The following FOCAD variants were observed in gnomAD, a reference collection of about 807,000 sequenced individuals.
FOCAD encodes the protein KIAA1797.
Under a neutral mutation model 225.6 loss-of-function variants are expected in FOCAD, and 198 were observed. That is an observed-to-expected ratio of 0.88 (90% CI 0.78 to 0.99). The LOEUF is 0.99. Ranked by LOEUF, FOCAD falls within the 50% of genes least tolerant of loss-of-function variation. FOCAD has a pLI of 0.00. For synonymous variants in FOCAD, 897 were observed against 755.0 expected (o/e 1.19, Z -3.08); for missense variants, 2,713 against 2,123.6 (o/e 1.28, Z -5.46).
chr9:20,769,954 T>G (rs1818022365), intron 7 of FOCAD, 78 bp from the exon 8 acceptor site: 1 of 1,337,994 alleles, frequency 7.5e-7, no homozygotes, highest in Non-Finnish European at 1.0e-6. Flanking sequence ...ATTACATTGT[T>G]CAAAGCTTTT....
intron 2 of FOCAD, among the ~76,000 whole-genome samples, chr9:20,669,177 A>C (rs989211172): frequency 2.0e-5 from 3 of 152,036 alleles, no homozygotes; most frequent in Non-Finnish European, 4.4e-5. Flanking sequence ...AGGGTGAAAA[A>C]AATTTAAGGG....
intron 5 of FOCAD, among the ~76,000 whole-genome samples, chr9:20,745,589 A>G (rs879913350): frequency 8.5e-5 from 13 of 152,102 alleles, no homozygotes; most frequent in Non-Finnish European, 8.8e-5. Context: ...TTTTCTCTGC[A>G]TATTCATATT....
intron 21 of FOCAD, among the ~76,000 whole-genome samples, chr9:20,891,388 T>C (rs921423888): frequency 2.0e-5 from 3 of 152,182 alleles, no homozygotes; most frequent in African/African-American, 4.8e-5. Context: ...AAAGCTGAGA[T>C]AGGCTGAAAG....
At chr9:20,768,753 T>G (rs1817859054) in intron 7 of FOCAD, among the ~76,000 whole-genome samples, 1 of 152,208 alleles carries the variant, frequency 6.6e-6, no homozygotes, top group Non-Finnish European at 1.5e-5. Context: ...CTGTTTCTTC[T>G]CCTTCCAGTT....
intron 8 of FOCAD, among the ~76,000 whole-genome samples, chr9:20,777,859 T>C (rs565543554): frequency 6.6e-6 from 1 of 152,116 alleles, no homozygotes; most frequent in East Asian, 1.9e-4. Flanking sequence ...TCCCAGCACT[T>C]TGGGAGGCCG....
intron 11 of FOCAD, among the ~76,000 whole-genome samples, chr9:20,812,493 G>A (rs1041238252): frequency 1.2e-4 from 18 of 151,876 alleles, no homozygotes; most frequent in African/African-American, 4.1e-4. Flanking sequence ...TGTTGCCAAC[G>A]TGTATGTTTT....
At chr9:20,917,988 A>C (rs969620968) in intron 24 of FOCAD, among the ~76,000 whole-genome samples, 2 of 152,210 alleles carry the variant, frequency 1.3e-5, no homozygotes, top group Non-Finnish European at 2.9e-5. Context: ...TCTGTTGATA[A>C]AATGAAAACT....
chr9:20,971,155 CA>C (rs1217535301), intron 35 of FOCAD, among the ~76,000 whole-genome samples: 1 of 151,438 alleles, frequency 6.6e-6, no homozygotes, highest in Non-Finnish European at 1.5e-5. Flanking sequence ...CACCAGAAGT[CA>C]AAAAAAGGAA....
intron 19 of FOCAD, among the ~76,000 whole-genome samples, chr9:20,878,237 C>T (rs1223345853): frequency 1.3e-5 from 2 of 152,086 alleles, no homozygotes; most frequent in Admixed American, 1.3e-4. Context: ...CAAGTTGGCA[C>T]TATGTGTGAA....
chr9:20,806,167 A>C (rs1373323120), intron 11 of FOCAD, among the ~76,000 whole-genome samples: 1 of 152,228 alleles, frequency 6.6e-6, no homozygotes, highest in African/African-American at 2.4e-5. Context: ...TTATTTTTCA[A>C]GGTAGTCCAA....
chr9:20,939,582 G>A (rs78751459), intron 28 of FOCAD, among the ~76,000 whole-genome samples: 3,277 of 151,984 alleles, frequency 0.022, 111 homozygotes, highest in African/African-American at 0.073. Flanking sequence ...CAGATACTGA[G>A]GTGTTTAAAA....
At chr9:20,842,415 G>T (rs1361573509) in intron 15 of FOCAD, among the ~76,000 whole-genome samples, 1 of 151,764 alleles carries the variant, frequency 6.6e-6, no homozygotes, top group Non-Finnish European at 1.5e-5. Flanking sequence ...TTATATCTGG[G>T]TATGCCAGTG....
intron 19 of FOCAD, chr9:20,875,654 A>T (rs1421455512): frequency 6.6e-6 from 1 of 151,872 alleles, no homozygotes; most frequent in Non-Finnish European, 1.5e-5. Flanking sequence ...TTCTATATGT[A>T]TATTGTGTTT....
intron 26 of FOCAD, among the ~76,000 whole-genome samples, chr9:20,927,082 C>T (rs1464996520): frequency 6.6e-6 from 1 of 151,824 alleles, no homozygotes; most frequent in Non-Finnish European, 1.5e-5. Context: ...TTTAATTGCT[C>T]ATGGATAAAC....
intron 24 of FOCAD, among the ~76,000 whole-genome samples, chr9:20,920,838 A>G (rs1160861843): frequency 6.6e-6 from 1 of 151,080 alleles, no homozygotes; most frequent in East Asian, 1.9e-4. Context: ...GGGGAGGGAT[A>G]GCATTAGGAG....
In FOCAD at chr9:20,946,786, A is replaced by G; in HGVS notation, c.3641A>G (p.Asn1214Ser). 1 of 1,613,852 alleles carries G rather than the reference A, an allele frequency of 6.2e-7. No individual in the cohort carries two copies. Among genetic ancestry groups the G allele is most frequent in the Non-Finnish European group, 8.5e-7 (1 of 1,179,770 alleles). The change falls in exon 30 of 44, where the codon AAC (asparagine) becomes AGC (serine). Residue 1214 changes from asparagine (N) to serine (S), a missense_variant. Asn to Ser is a conservative substitution (Grantham distance 46). Coordinates refer to ENST00000338382, the MANE Select transcript of FOCAD (RefSeq NM_001375567.1). ...GCTACAGAGGCTGAGGATGTTATGA[A>G]CAAGCTTCGACTGTTAGTGGAGAAT... is the stretch of plus-strand genomic sequence containing the variant. ...IEATEAEDVM[N>S]KLRLLVENSQ...
At chr9:20,671,618 G>T (rs148251767) in intron 2 of FOCAD, among the ~76,000 whole-genome samples, 6 of 151,848 alleles carry the variant, frequency 4.0e-5, no homozygotes, top group Non-Finnish European at 8.8e-5. Context: ...TGTAATAAAA[G>T]AGGAGAGATT....
intron 35 of FOCAD, among the ~76,000 whole-genome samples, chr9:20,970,912 C>T (rs532415149): frequency 1.3e-5 from 2 of 152,182 alleles, no homozygotes; most frequent in Non-Finnish European, 2.9e-5. Context: ...ATTAATTAAG[C>T]AATAATCACC....
chr9:20,861,943 G>A (rs571989179), intron 15 of FOCAD, among the ~76,000 whole-genome samples: 1 of 152,016 alleles, frequency 6.6e-6, no homozygotes, highest in Non-Finnish European at 1.5e-5. Context: ...TAAGAAAATT[G>A]GGTCAAGTTA....
Sources: gnomAD v4.1 joint callset for allele counts (sites outside exome capture counted in the v4.1 genomes callset) on GRCh38, gnomAD v4.1.1 for gene constraint, MANE v1.5 for transcripts, NCBI Gene and HGNC (gene_info 2026-07-23, HGNC 2026-07-21) for gene names.